The following PHF2 variants were observed in gnomAD, a reference collection of about 807,000 sequenced individuals.
PHF2 encodes PHD finger protein 2, also known as lysine-specific demethylase PHF2.
PHF2 carries 27 observed loss-of-function variants against 120.5 expected under a neutral mutation model. The observed-to-expected ratio is 0.22, with a 90% CI of 0.17 to 0.31. The LOEUF is 0.31. PHF2 is among the 10% of genes least tolerant of loss of function. The probability of loss-of-function intolerance (pLI) is 1.00; values close to 1 mark genes in which losing one functional copy is unlikely to be tolerated. For synonymous variants in PHF2, 568 were observed against 592.5 expected (o/e 0.96, Z 0.60); for missense variants, 1,024 against 1,434.8 (o/e 0.71, Z 4.63).
chr9:93,577,940 T>C (rs1158775538), intron 1 of PHF2, among the ~76,000 whole-genome samples: 1 of 152,178 alleles, frequency 6.6e-6, no homozygotes, highest in Non-Finnish European at 1.5e-5. Flanking sequence ...CTGTATGCCC[T>C]CTGGGGCTCC....
At chr9:93,663,170 C>T (rs73523910) in intron 13 of PHF2, 144 bp downstream of exon 13, 20,120 of 1,161,534 alleles carry the variant, frequency 0.017, 225 homozygotes, top group Middle Eastern at 0.032. Flanking sequence ...GTGGGGTGTG[C>T]TTACGTGGGT....
At chr9:93,668,128 T>A (rs1826715895) in intron 17 of PHF2, among the ~76,000 whole-genome samples, 2 of 152,228 alleles carry the variant, frequency 1.3e-5, no homozygotes, top group Non-Finnish European at 2.9e-5. Flanking sequence ...ATATTACTAT[T>A]TTACATGCAA....
rs557745842 is a variant in PHF2 at position 93,619,295 on chromosome 9, TCGTTG to T, written c.99-10674_99-10670del. 1.2e-3 allele frequency among the ~76,000 whole-genome samples: 184 copies of T among 152,292 alleles called. 3 individuals are homozygous for T. The highest frequency in any genetic ancestry group is 4.1e-3 in the African/African-American group (169 of 41,562). On this transcript the variant is annotated intron_variant, in intron 1 of 21. Coordinates refer to ENST00000359246, the MANE Select transcript of PHF2 (RefSeq NM_005392.4). ...CTGTGAGTGGGTGGAAACACTGCTCTCGTTGGAGCCCATCTCTTAGGGACCAGGCG... is the reference window on the plus strand; with the variant it reads ...CTGTGAGTGGGTGGAAACACTGCTCTGAGCCCATCTCTTAGGGACCAGGCG...
rs1229163402 is a variant in PHF2, at chr9:93,665,861, T to C, written c.2113T>C (p.Ser705Pro). The C allele has an allele frequency of 1.9e-6, 3 of 1,598,066 alleles. No individual in the cohort carries two copies. The highest frequency in any genetic ancestry group is 2.6e-6 in the Non-Finnish European group (3 of 1,169,422). ...RKKNAPKRDLSFLLDKKAVLP... is the reference protein window; with the variant it reads ...RKKNAPKRDLPFLLDKKAVLP... Reference sequence around the variant, plus strand: ...GAAAAACGCCCCGAAAAGGGACTTGTCCTGTGAGTTGGGAGGGGGTGTTGG... The same window carrying C: ...GAAAAACGCCCCGAAAAGGGACTTGCCCTGTGAGTTGGGAGGGGGTGTTGG... Residue 705 changes from serine (S) to proline (P), a missense_variant, in exon 15 of 22, where the codon TCC becomes CCC. Around this residue, in one of 2 missense-constraint regions of PHF2, gnomAD observed 677 missense variants for 857.4 expected, o/e 0.79. Coordinates refer to ENST00000359246, the MANE Select transcript of PHF2 (RefSeq NM_005392.4).
Position 93,629,994 on chromosome 9 carries a change from G to A in PHF2, c.123G>A (p.Glu41=), listed in dbSNP as rs1825973032. The change falls in exon 2 of 22, where the codon GAG becomes GAA. Residue 41 remains glutamate, a synonymous_variant. Coordinates refer to ENST00000359246, the MANE Select transcript of PHF2 (RefSeq NM_005392.4). ...HGSCVGVEEE[E]APDIDIYHCP... ...GCTGTGTTGGGGTGGAAGAGGAGGA[G>A]GCGCCCGACATCGACATATACCACT... The A allele has an allele frequency of 6.2e-7, 1 of 1,614,046 alleles. No individual in the cohort carries two copies. The highest frequency in any genetic ancestry group is 1.1e-5 in the South Asian group (1 of 91,076).
At chr9:93,655,412 G>A (rs1826441895) in intron 7 of PHF2, among the ~76,000 whole-genome samples, 1 of 152,102 alleles carries the variant, frequency 6.6e-6, no homozygotes. Flanking sequence ...AGCTATTTAG[G>A]AAAGAGTTGT....
rs1826673026 is a variant in PHF2 at position 93,666,027 on chromosome 9, C to T, written c.2154C>T (p.Val718=). 6.2e-7 allele frequency: 1 copy of T among 1,613,164 alleles called. No homozygotes were observed. Among genetic ancestry groups the T allele is most frequent in the South Asian group, 1.1e-5 (1 of 91,044 alleles). The stretch of plus-strand genomic sequence containing the variant: ...AGAAGGCTGTGCTGCCCACGCCTGT[C>T]ACGAAGCCAAAGCTGGACTCGGCAG... ...LDKKAVLPTP[V]TKPKLDSAAY... The change falls in exon 16 of 22, where the codon GTC becomes GTT. Residue 718 remains valine, a synonymous_variant. Coordinates refer to ENST00000359246, the MANE Select transcript of PHF2 (RefSeq NM_005392.4).
intron 18 of PHF2, 41 bp from the exon 19 acceptor site, chr9:93,674,886 C>T (rs755391772): frequency 6.7e-7 from 1 of 1,493,140 alleles, no homozygotes; most frequent in Admixed American, 1.7e-5. Flanking sequence ...TGGACCTGCC[C>T]TGCACTCAGC....
intron 1 of PHF2, among the ~76,000 whole-genome samples, chr9:93,602,247 C>CTTTTTTTTTTTTTTTTTTT (rs67001312): frequency 1.3e-5 from 1 of 79,670 alleles, no homozygotes; most frequent in African/African-American, 5.3e-5. Context: ...CCTAGAGATT[C>CTTTTTTTTTTTTTTTTTTT]TTTTTTTTTT....
chr9:93,594,108 GA>G (rs1279136589), intron 1 of PHF2, among the ~76,000 whole-genome samples: 55 of 152,198 alleles, frequency 3.6e-4, no homozygotes, highest in African/African-American at 1.3e-3. Context: ...AGGCCTCCCT[GA>G]AGGAGCTGTG....
At chr9:93,610,995 G>T (rs575852169) in intron 1 of PHF2, among the ~76,000 whole-genome samples, 1 of 152,348 alleles carries the variant, frequency 6.6e-6, no homozygotes, top group Non-Finnish European at 1.5e-5. Context: ...CTTCTGTTCA[G>T]TCTTCTTTCG....
In PHF2 at chr9:93,584,157, G is replaced by A. The variant is rs551120727; in HGVS notation, c.98+7286G>A. ...TGCTGTATCCTTATCAGATACATGA[G>A]TTGCAAATACATTTTTCCATTTTGT... On this transcript the variant is annotated intron_variant, in intron 1 of 21. Transcript: ENST00000359246. Among the ~76,000 whole-genome samples the A allele has an allele frequency of 2.6e-5, 4 of 152,310 alleles. No homozygotes were observed. The East Asian group carries it at 7.7e-4, about 29-fold the overall frequency.
Position 93,653,215 on chromosome 9 carries a change from G to C in PHF2, c.639G>C (p.Lys213Asn), listed in dbSNP as rs1826398455. The C allele has an allele frequency of 6.2e-7, 1 of 1,614,062 alleles. No individual in the cohort carries two copies. The highest frequency in any genetic ancestry group is 1.1e-5 in the South Asian group (1 of 91,088). The change falls in exon 6 of 22, where the codon AAG (lysine) becomes AAC (asparagine). Residue 213 changes from lysine to asparagine, a missense_variant. Physicochemically the swap from Lys to Asn is moderately conservative, Grantham distance 94 (BLOSUM62 0). Around this residue, in one of 2 missense-constraint regions of PHF2, gnomAD observed 347 missense variants for 577.4 expected, o/e 0.60. Coordinates refer to ENST00000359246, the MANE Select transcript of PHF2 (RefSeq NM_005392.4). ...SSFVEPPDIVKKLSWVENYWP... is the reference protein window; with the variant it reads ...SSFVEPPDIVNKLSWVENYWP... ...TCGTGGAGCCACCTGACATTGTAAAGAAACTGTCATGGGTAGAAAACTACT... is the reference window on the plus strand; with the variant it reads ...TCGTGGAGCCACCTGACATTGTAAACAAACTGTCATGGGTAGAAAACTACT...
At chr9:93,597,949 T>C (rs1314142810) in intron 1 of PHF2, among the ~76,000 whole-genome samples, 5 of 152,284 alleles carry the variant, frequency 3.3e-5, no homozygotes, top group Middle Eastern at 3.4e-3. Context: ...CTCTGGGCAC[T>C]CTGGGGTCAC....
At chr9:93,586,909 G>A (rs1378130643) in intron 1 of PHF2, among the ~76,000 whole-genome samples, 2 of 152,224 alleles carry the variant, frequency 1.3e-5, no homozygotes, top group African/African-American at 2.4e-5. Flanking sequence ...AGCAGATTGG[G>A]GTGACAACAG....
At chr9:93,661,264 C>T (rs576375202) in intron 12 of PHF2, among the ~76,000 whole-genome samples, 137 of 152,202 alleles carry the variant, frequency 9.0e-4, no homozygotes, top group Middle Eastern at 6.8e-3. Flanking sequence ...AGGAGGAGGT[C>T]GTTATCTGCT....
intron 17 of PHF2, among the ~76,000 whole-genome samples, chr9:93,671,628 ATGTAGGTACAGGTGTAGATGCAGT>A (rs1826794795): frequency 9.9e-6 from 1 of 100,958 alleles, no homozygotes; most frequent in Non-Finnish European, 2.1e-5. Context: ...GTGGGTGTGG[ATGTAGGTACAGGTGTAGATGCAGT>A]TGTGGGTGTG....
intron 2 of PHF2, among the ~76,000 whole-genome samples, chr9:93,635,686 A>G (rs1826078219): frequency 6.6e-6 from 1 of 152,140 alleles, no homozygotes; most frequent in Non-Finnish European, 1.5e-5. Flanking sequence ...GTGCATGTAT[A>G]TGTACATATG....
intron 4 of PHF2, 123 bp from the exon 5 acceptor site, chr9:93,648,948 C>T (rs1187543353): frequency 3.6e-6 from 4 of 1,103,826 alleles, no homozygotes; most frequent in East Asian, 2.7e-5. Context: ...CCGCATCCAG[C>T]CCCTGGCAGC....
Sources: allele counts gnomAD v4.1 joint callset (sites outside exome capture counted in the v4.1 genomes callset), GRCh38; gene constraint gnomAD v4.1.1; regional missense constraint gnomAD v4.1.1; transcripts MANE v1.5; gene names NCBI Gene and HGNC (gene_info 2026-07-23, HGNC 2026-07-21).